The following MITF variants were observed in gnomAD, a reference collection of about 807,000 sequenced individuals.
MITF encodes microphthalmia-associated transcription factor.
In MITF, 17 loss-of-function variants were observed where a neutral mutation model predicts 60.5. The ratio of observed to expected loss-of-function variants is 0.28; its 90% CI spans 0.19 to 0.42. The LOEUF is 0.42. Among genes scored for constraint, MITF ranks in the 10% least tolerant of loss-of-function variants. The probability of loss-of-function intolerance (pLI) is 1.00; values close to 1 mark genes in which losing one functional copy is unlikely to be tolerated. For missense variants in MITF, 622 were observed against 683.5 expected, an observed-to-expected ratio of 0.91 and a Z score of 1.00; for synonymous variants, 260 against 248.5, an observed-to-expected ratio of 1.05 and a Z score of -0.43.
chr3:69,848,078 T>TA (rs1341424411), intron 1 of MITF, among the ~76,000 whole-genome samples: 2 of 152,176 alleles, frequency 1.3e-5, no homozygotes, highest in Non-Finnish European at 2.9e-5. Flanking sequence ...ACTCAGTTGT[T>TA]ACGATGCTCT....
At chr3:69,763,714 C>G in intron 1 of MITF, 1 of 1,329,364 alleles carries the variant, frequency 7.5e-7, no homozygotes, top group East Asian at 3.6e-5. Flanking sequence ...CAGCTCTCTT[C>G]TGTAGCTTGT....
intron 2 of MITF, among the ~76,000 whole-genome samples, chr3:69,888,661 G>A (rs2064682063): frequency 6.6e-6 from 1 of 152,048 alleles, no homozygotes; most frequent in South Asian, 2.1e-4. Context: ...TTAAAATAAT[G>A]CCTGCTGATT....
intron 1 of MITF, among the ~76,000 whole-genome samples, chr3:69,773,655 G>GT (rs1162031862): frequency 3.3e-4 from 50 of 152,122 alleles, no homozygotes; most frequent in African/African-American, 1.2e-3. Flanking sequence ...TTCTCCTTGA[G>GT]TATGCATAGC....
chr3:69,883,752 G>A (rs894252783), intron 2 of MITF, among the ~76,000 whole-genome samples: 1 of 152,080 alleles, frequency 6.6e-6, no homozygotes, highest in Non-Finnish European at 1.5e-5. Context: ...TCAGTTAGGG[G>A]ATCTGTTGCT....
At chr3:69,763,480 G>T in intron 1 of MITF, 2 of 1,059,966 alleles carry the variant, frequency 1.9e-6, no homozygotes, top group East Asian at 5.1e-5. Context: ...GTCATTTTAA[G>T]TAGGCAGCAA....
At chr3:69,770,334 G>T (rs2062374485) in intron 1 of MITF, among the ~76,000 whole-genome samples, 1 of 152,146 alleles carries the variant, frequency 6.6e-6, no homozygotes, top group African/African-American at 2.4e-5. Flanking sequence ...GCATTCCAGA[G>T]AATCCTGAAA....
chr3:69,959,553 C>A, intron 9 of MITF, 133 bp downstream of exon 9: 1 of 1,204,180 alleles, frequency 8.3e-7, no homozygotes, highest in South Asian at 1.3e-5. Flanking sequence ...TTTGTGGATT[C>A]TGTGTGTGTG....
At chr3:69,899,860 A>G (rs565728513) in intron 2 of MITF, among the ~76,000 whole-genome samples, 1 of 152,276 alleles carries the variant, frequency 6.6e-6, no homozygotes, top group South Asian at 2.1e-4. Flanking sequence ...AATGATTTCA[A>G]GGGCTTTAGG....
In MITF at chr3:69,959,425, G is replaced by T. The variant is rs554738793; in HGVS notation, c.1179+5G>T. Reference sequence around the variant, plus strand: ...CATTTGTTGCTCAGAATACAGGTACGCAGCCTGAGTTGTGTAAAGTTTACT... The same window carrying T: ...CATTTGTTGCTCAGAATACAGGTACTCAGCCTGAGTTGTGTAAAGTTTACT... On this transcript the variant is annotated splice_donor_5th_base_variant and intron_variant, in intron 9 of 9. Coordinates refer to ENST00000352241, the MANE Select transcript of MITF (RefSeq NM_001354604.2). 3 of 1,613,706 alleles carry T rather than the reference G, an allele frequency of 1.9e-6. No homozygotes were observed. The highest frequency in any genetic ancestry group is 8.5e-7 in the Non-Finnish European group (1 of 1,179,810).
intron 1 of MITF, among the ~76,000 whole-genome samples, chr3:69,833,362 C>G (rs1265774843): frequency 1.3e-5 from 2 of 152,024 alleles, no homozygotes; most frequent in South Asian, 4.1e-4. Flanking sequence ...AGTTGTTTTT[C>G]TATTTACACT....
At chr3:69,868,080 C>A (rs1447506402) in intron 1 of MITF, among the ~76,000 whole-genome samples, 1 of 152,162 alleles carries the variant, frequency 6.6e-6, no homozygotes, top group African/African-American at 2.4e-5. Context: ...AACTTGTCAG[C>A]TTTGACTCGT....
chr3:69,964,840 A>C lies in MITF; in HGVS notation c.1180-7A>C, dbSNP rs1238135509. ...ATTTCAGTGTTTTATCTTTACTCTT[A>C]TTATAGGAACTTGAAATGCAGGCTC... On this transcript the variant is annotated splice_polypyrimidine_tract_variant and splice_region_variant and intron_variant, in intron 9 of 9. Transcript: ENST00000352241. The C allele has an allele frequency of 6.2e-7, 1 of 1,613,884 alleles. No individual in the cohort carries two copies. The highest frequency in any genetic ancestry group is 8.5e-7 in the Non-Finnish European group (1 of 1,179,870).
At chr3:69,939,214 A>G (rs1352436432) in intron 4 of MITF, 33 bp downstream of exon 4, 2 of 1,573,926 alleles carry the variant, frequency 1.3e-6, no homozygotes, top group Admixed American at 3.3e-5. Context: ...GAGGATGAAC[A>G]CTTTGTAATG....
chr3:69,808,604 G>A (rs796377803), intron 1 of MITF, among the ~76,000 whole-genome samples: 2 of 152,104 alleles, frequency 1.3e-5, no homozygotes, highest in African/African-American at 4.8e-5. Context: ...TAGGAGTGGA[G>A]TAGGGGAGAA....
chr3:69,778,868 T>G (rs1403151082), intron 1 of MITF: 3 of 152,168 alleles, frequency 2.0e-5, no homozygotes, highest in African/African-American at 7.2e-5. Flanking sequence ...CCTCTCTGGG[T>G]TTCGAGCAAG....
chr3:69,863,005 T>C (rs1310057253), intron 1 of MITF, among the ~76,000 whole-genome samples: 1 of 152,168 alleles, frequency 6.6e-6, no homozygotes, highest in East Asian at 1.9e-4. Flanking sequence ...TGTGTGTGTG[T>C]GTGTGTTCAT....
intron 1 of MITF, among the ~76,000 whole-genome samples, chr3:69,746,079 A>G (rs1278337434): frequency 1.3e-5 from 2 of 152,228 alleles, no homozygotes; most frequent in Non-Finnish European, 2.9e-5. Context: ...AAATCGTACT[A>G]TGCAGATTCG....
At chr3:69,951,515 G>A (rs1487365414) in intron 6 of MITF, among the ~76,000 whole-genome samples, 4 of 151,832 alleles carry the variant, frequency 2.6e-5, no homozygotes, top group Non-Finnish European at 2.9e-5. Context: ...TCTAATTATC[G>A]ATTTCTTTCT....
At chr3:69,915,880 A>G (rs1225129539) in intron 2 of MITF, among the ~76,000 whole-genome samples, 1 of 152,216 alleles carries the variant, frequency 6.6e-6, no homozygotes, top group African/African-American at 2.4e-5. Flanking sequence ...AGTCCAGTGC[A>G]GAACACCTGA....
Sources: allele counts gnomAD v4.1 joint callset (sites outside exome capture counted in the v4.1 genomes callset), GRCh38; gene constraint gnomAD v4.1.1; transcripts MANE v1.5; gene names NCBI Gene and HGNC (gene_info 2026-07-23, HGNC 2026-07-21).